Variants in ANKS1B observed in about 807,000 individuals in gnomAD.
The protein encoded by ANKS1B is ankyrin repeat and sterile alpha motif domain-containing protein 1B.
Under a neutral mutation model 148.3 loss-of-function variants are expected in ANKS1B, and 36 were observed. The ratio of observed to expected loss-of-function variants is 0.24; its 90% CI spans 0.19 to 0.32. The LOEUF (loss-of-function observed/expected upper bound fraction) is 0.32. Ranked by LOEUF, ANKS1B falls within the 10% of genes least tolerant of loss-of-function variation. The pLI is 1.00. For synonymous variants in ANKS1B, 542 were observed against 560.8 expected (o/e 0.97, Z 0.47); for missense variants, 1,157 against 1,542.6 (o/e 0.75, Z 4.19).
chr12:99,571,706 A>G (rs2097457527), intron 9 of ANKS1B, among the ~76,000 whole-genome samples: 1 of 152,132 alleles, frequency 6.6e-6, no homozygotes, highest in Non-Finnish European at 1.5e-5. Flanking sequence ...GATTATTTCA[A>G]TGATCATAGA....
At chr12:99,755,743 A>G (rs2061510881) in intron 8 of ANKS1B, among the ~76,000 whole-genome samples, 1 of 152,130 alleles carries the variant, frequency 6.6e-6, no homozygotes, top group African/African-American at 2.4e-5. Context: ...TAACAGAACT[A>G]AAGACAAAAA....
At chr12:98,880,495 G>A (rs1405784464) in intron 17 of ANKS1B, among the ~76,000 whole-genome samples, 28 of 152,146 alleles carry the variant, frequency 1.8e-4, no homozygotes, top group Admixed American at 1.2e-3. Flanking sequence ...GGCCGGGCAC[G>A]GTGGCTCATG....
At position 99,052,682 on chromosome 12, in the gene ANKS1B, T is replaced by C. The variant is rs1251354508; in HGVS notation, c.2778+475A>G. 6.9e-5 allele frequency among the ~76,000 whole-genome samples: 8 copies of C among 116,372 alleles called. 1 individual carries two copies. The South Asian group carries it at 1.6e-3, about 24-fold the overall frequency. 76.3% of individuals were successfully genotyped at this position (116,372 alleles called of 152,430 possible). On this transcript the variant is annotated intron_variant, in intron 17 of 26. Transcript: ENST00000683438. ...AGCGGAGCTTGCAGTGAGCCGAGAT[T>C]GCGCCACTGCAGTCCGCAGTCCGAC...
At chr12:99,438,907 GA>G (rs145240474) in intron 11 of ANKS1B, among the ~76,000 whole-genome samples, 4 of 150,896 alleles carry the variant, frequency 2.7e-5, no homozygotes, top group African/African-American at 9.7e-5. Flanking sequence ...ACAAATATTA[GA>G]AAAAAAAGTC....
chr12:99,096,286 C>A (rs529984172), intron 15 of ANKS1B, among the ~76,000 whole-genome samples: 1 of 152,082 alleles, frequency 6.6e-6, no homozygotes, highest in South Asian at 2.1e-4. Context: ...AAAGAGTTGA[C>A]TGATAGAATA....
Position 98,745,705 on chromosome 12 carries a change from G to A in ANKS1B, c.*34C>T. On this transcript the variant is annotated 3_prime_UTR_variant, in exon 27 of 27. Transcript: ENST00000683438. ...AGCCTGCTCCGGGACCGCTTGGCGA[G>A]CAAGGCACCGCGAGGACAGGAGGAC... 1.2e-6 allele frequency: 2 copies of A among 1,609,552 alleles called. No individual in the cohort carries two copies. The highest frequency in any genetic ancestry group is 1.7e-6 in the Non-Finnish European group (2 of 1,177,650).
chr12:99,637,870 G>A (rs1160156217), intron 9 of ANKS1B, among the ~76,000 whole-genome samples: 1 of 150,178 alleles, frequency 6.7e-6, no homozygotes, highest in African/African-American at 2.5e-5. Flanking sequence ...GACATAAAGA[G>A]AGAAAAAAAG....
At position 99,972,157 on chromosome 12, in the gene ANKS1B, C is replaced by T. The variant is rs572695619; in HGVS notation, c.134+11947G>A. Among the ~76,000 whole-genome samples the T allele has an allele frequency of 1.4e-4, 22 of 152,260 alleles. 1 individual carries two copies. The East Asian group carries it at 4.1e-3, about 28-fold the overall frequency. On this transcript the variant is annotated intron_variant, in intron 1 of 26. Transcript: ENST00000683438. ...TTGGGCCTCCCTATTCCCTCGGATA[C>T]AACAATATTAAAATTAGGCCAATGA...
intron 17 of ANKS1B, among the ~76,000 whole-genome samples, chr12:98,966,011 C>G (rs1323066286): frequency 1.3e-5 from 2 of 152,122 alleles, no homozygotes. Context: ...GTCTAAAACA[C>G]CAAAAGCAAT....
rs149683981 is a variant in ANKS1B at position 99,582,085 on chromosome 12, G to A, written c.1272+72982C>T. On this transcript the variant is annotated intron_variant, in intron 9 of 26. Coordinates refer to ENST00000683438, the MANE Select transcript of ANKS1B (RefSeq NM_001352186.2). ...ACTTTATAAAAGAATATATATGAAT[G>A]GCAAATAATAAGCACAAAAAAGATG... Among the ~76,000 whole-genome samples, 803 of 151,830 alleles carry A rather than the reference G, an allele frequency of 5.3e-3. 2 individuals are homozygous for A. The highest frequency in any genetic ancestry group is 0.019 in the African/African-American group (777 of 41,446).
intron 10 of ANKS1B, among the ~76,000 whole-genome samples, chr12:99,469,081 A>C (rs1263327409): frequency 6.6e-6 from 1 of 152,158 alleles, no homozygotes; most frequent in Non-Finnish European, 1.5e-5. Flanking sequence ...AAAATGTGGC[A>C]CATATACACC....
chr12:99,143,717 C>T (rs1160203596), intron 15 of ANKS1B, among the ~76,000 whole-genome samples: 2 of 151,990 alleles, frequency 1.3e-5, no homozygotes, highest in South Asian at 2.1e-4. Context: ...TTTTTACAAC[C>T]CTGTGTATGG....
intron 22 of ANKS1B, among the ~76,000 whole-genome samples, chr12:98,783,450 A>G (rs766032832): frequency 5.3e-5 from 8 of 152,252 alleles, no homozygotes; most frequent in Non-Finnish European, 1.0e-4. Context: ...TAGGAAGAAC[A>G]GCTACAATTA....
At chr12:99,559,416 C>A (rs1316710311) in intron 9 of ANKS1B, among the ~76,000 whole-genome samples, 1 of 152,150 alleles carries the variant, frequency 6.6e-6, no homozygotes, top group Non-Finnish European at 1.5e-5. Context: ...ATCTCTCAAT[C>A]AGTGATGACC....
At chr12:99,429,691 C>A (rs762830458) in intron 11 of ANKS1B, among the ~76,000 whole-genome samples, 2 of 152,026 alleles carry the variant, frequency 1.3e-5, no homozygotes, top group Non-Finnish European at 2.9e-5. Flanking sequence ...GGGCCGGGCG[C>A]GGTGGCTCAC....
chr12:98,741,171 C>T (rs2097796698), downstream of ANKS1B, among the ~76,000 whole-genome samples: 1 of 152,168 alleles, frequency 6.6e-6, no homozygotes, highest in African/African-American at 2.4e-5. Context: ...CTGATACTTC[C>T]CAAAACAAAC....
At chr12:98,785,846 T>C (rs2098788812) in intron 22 of ANKS1B, among the ~76,000 whole-genome samples, 1 of 152,190 alleles carries the variant, frequency 6.6e-6, no homozygotes, top group Non-Finnish European at 1.5e-5. Context: ...TCAAGCTTTA[T>C]TGATTTGTAT....
At chr12:99,876,731 CAA>C (rs34676678) in intron 1 of ANKS1B, among the ~76,000 whole-genome samples, 230 of 140,792 alleles carry the variant, frequency 1.6e-3, no homozygotes, top group Middle Eastern at 3.7e-3. Flanking sequence ...CTGCTTCTCA[CAA>C]AAAAAAAAAA....
At chr12:99,238,885 C>G (rs1048722368) in intron 14 of ANKS1B, among the ~76,000 whole-genome samples, 5 of 152,146 alleles carry the variant, frequency 3.3e-5, no homozygotes, top group African/African-American at 1.2e-4. Context: ...ACGAAAAGGA[C>G]ATCCACACCA....
Sources: gnomAD v4.1 joint callset for allele counts (sites outside exome capture counted in the v4.1 genomes callset) on GRCh38, gnomAD v4.1.1 for gene constraint, MANE v1.5 for transcripts, NCBI Gene and HGNC (gene_info 2026-07-23, HGNC 2026-07-21) for gene names.